The following ABCB1 variants were observed in gnomAD, a reference collection of about 807,000 sequenced individuals.
ABCB1 encodes the protein ATP-dependent translocase ABCB1.
Under a neutral mutation model 142.0 loss-of-function variants are expected in ABCB1, and 69 were observed. The ratio of observed to expected loss-of-function variants is 0.49; its 90% CI spans 0.40 to 0.59. The LOEUF (loss-of-function observed/expected upper bound fraction) is 0.59. ABCB1 is among the 20% of genes least tolerant of loss of function. ABCB1 has a pLI of 0.00. For synonymous variants in ABCB1, 532 were observed against 539.2 expected (o/e 0.99, Z 0.18); for missense variants, 1,326 against 1,554.7 (o/e 0.85, Z 2.47).
At chr7:87,586,672 C>T (rs576405642) in intron 3 of ABCB1, among the ~76,000 whole-genome samples, 16 of 152,252 alleles carry the variant, frequency 1.1e-4, no homozygotes, top group Admixed American at 9.2e-4. Flanking sequence ...TAGCCACAGA[C>T]AGCAAGATTT....
chr7:87,510,778 C>G (rs1285231047), intron 25 of ABCB1, among the ~76,000 whole-genome samples: 2 of 152,090 alleles, frequency 1.3e-5, no homozygotes, highest in Admixed American at 1.3e-4. Context: ...TAGTTCCAAG[C>G]TGAGTTGCCA....
At chr7:87,647,853 A>G (rs1823168716) in intron 1 of ABCB1, among the ~76,000 whole-genome samples, 1 of 152,128 alleles carries the variant, frequency 6.6e-6, no homozygotes, top group African/African-American at 2.4e-5. Context: ...AAAAGAGTAA[A>G]TTGGCCAACT....
chr7:87,576,948 T>C (rs1472290393), intron 4 of ABCB1, among the ~76,000 whole-genome samples: 1 of 152,146 alleles, frequency 6.6e-6, no homozygotes, highest in Non-Finnish European at 1.5e-5. Context: ...TTTTTAAATG[T>C]GCAATAAATT....
chr7:87,600,578 C>A (rs1227352455), intron 1 of ABCB1, among the ~76,000 whole-genome samples, 177 bp downstream of exon 1: 1 of 152,228 alleles, frequency 6.6e-6, no homozygotes, highest in Non-Finnish European at 1.5e-5. Flanking sequence ...TTGGGCGCTG[C>A]TCCAGGAGCT....
intron 4 of ABCB1, among the ~76,000 whole-genome samples, chr7:87,576,878 C>T (rs1168606758): frequency 6.6e-6 from 1 of 152,044 alleles, no homozygotes; most frequent in Non-Finnish European, 1.5e-5. Flanking sequence ...GGGTATCTAT[C>T]ACCTCAAAAA....
chr7:87,656,200 A>T (rs1473045250), intron 1 of ABCB1, among the ~76,000 whole-genome samples: 1 of 152,172 alleles, frequency 6.6e-6, no homozygotes, highest in African/African-American at 2.4e-5. Flanking sequence ...ATTCCATGAT[A>T]TATACAAATT....
chr7:87,624,973 A>T (rs183946815), intron 1 of ABCB1, among the ~76,000 whole-genome samples: 1 of 152,266 alleles, frequency 6.6e-6, no homozygotes, highest in East Asian at 1.9e-4. Context: ...AAATAACGTT[A>T]TGGCTGGGCG....
chr7:87,598,462 C>A (rs1340264990), intron 2 of ABCB1, among the ~76,000 whole-genome samples: 4 of 152,282 alleles, frequency 2.6e-5, no homozygotes, highest in African/African-American at 7.2e-5. Flanking sequence ...GTGCTAACTG[C>A]AAAATCTTTA....
chr7:87,581,044 G>A (rs184751865), intron 4 of ABCB1, among the ~76,000 whole-genome samples: 2 of 151,522 alleles, frequency 1.3e-5, no homozygotes, highest in East Asian at 1.9e-4. Context: ...CTGTAGGGAT[G>A]GGGGAGGGGG....
At chr7:87,623,462 T>C (rs1272540395) in intron 1 of ABCB1, among the ~76,000 whole-genome samples, 2 of 152,240 alleles carry the variant, frequency 1.3e-5, no homozygotes, top group African/African-American at 4.8e-5. Context: ...GTGTCTGTCA[T>C]AGCCTGTAAT....
At position 87,626,870 on chromosome 7, in the gene ABCB1, G is replaced by T. The variant is rs546118173; in HGVS notation, c.-330-25792C>A. 1.2e-3 allele frequency among the ~76,000 whole-genome samples: 179 copies of T among 151,984 alleles called. 1 individual carries two copies. Among genetic ancestry groups the T allele is most frequent in the African/African-American group, 4.1e-3 (171 of 41,440 alleles). ...CGCTCACTGCAACCTCCGCCTCCCG[G>T]GTTCAAACGATTCTCCTGCCTCAGC... On this transcript the variant is annotated intron_variant, in intron 1 of 28. Transcript: ENST00000265724.
chr7:87,626,288 A>ATATGTGTCATATATATGTGTCG (rs1820513649), intron 1 of ABCB1, among the ~76,000 whole-genome samples: 1 of 48,490 alleles, frequency 2.1e-5, no homozygotes, highest in Non-Finnish European at 3.6e-5. Flanking sequence ...TATATGTGTC[A>ATATGTGTCATATATATGTGTCG]TATATGTGTC....
In ABCB1 at chr7:87,561,355, TAA is replaced by T; in HGVS notation, c.733_734del (p.Leu245SerfsTer10). On this transcript the variant is annotated frameshift_variant, in exon 8 of 28. Transcript: ENST00000622132. LOFTEE classifies it high-confidence loss of function. ...CTACTGCTCCAGCTTTTGCATACGC[TAA>T]GAGTTCTTTATCAGTAAATGAAGAT... ...ILSSFTDKEL[L>X]AYAKAGAVAE... is the part of the protein sequence containing the mutation. 1.2e-6 allele frequency: 2 copies of T among 1,613,724 alleles called. No homozygotes were observed. Among genetic ancestry groups the T allele is most frequent in the Admixed American group, 1.7e-5 (1 of 60,004 alleles).
intron 1 of ABCB1, among the ~76,000 whole-genome samples, chr7:87,648,004 G>A (rs1823190435): frequency 6.6e-6 from 1 of 151,846 alleles, no homozygotes. Context: ...CTAACATGGT[G>A]AAACCCCGCC....
intron 1 of ABCB1, among the ~76,000 whole-genome samples, chr7:87,692,382 A>C (rs1360700947): frequency 6.6e-6 from 1 of 152,184 alleles, no homozygotes; most frequent in Non-Finnish European, 1.5e-5. Context: ...GCTTGAGTCC[A>C]AGAATTTGAG....
intron 4 of ABCB1, among the ~76,000 whole-genome samples, chr7:87,578,137 T>C (rs1818350589): frequency 6.6e-6 from 1 of 152,220 alleles, no homozygotes; most frequent in South Asian, 2.1e-4. Flanking sequence ...TTTATGCATA[T>C]GGATATCCAG....
chr7:87,699,971 TGAAGA>T (rs893579411), intron 1 of ABCB1, among the ~76,000 whole-genome samples: 2 of 152,182 alleles, frequency 1.3e-5, no homozygotes, highest in African/African-American at 4.8e-5. Flanking sequence ...AGTATCCTTA[TGAAGA>T]GGAGAAAAGA....
At chr7:87,597,733 A>C (rs1294675537) in intron 2 of ABCB1, among the ~76,000 whole-genome samples, 2 of 152,160 alleles carry the variant, frequency 1.3e-5, no homozygotes, top group East Asian at 3.8e-4. Context: ...TTTTTGTTAC[A>C]AAAATTTTCA....
intron 21 of ABCB1, among the ~76,000 whole-genome samples, chr7:87,528,450 G>C (rs546956770): frequency 1.3e-5 from 2 of 151,976 alleles, no homozygotes; most frequent in South Asian, 4.2e-4. Flanking sequence ...CATGGCTTGT[G>C]AGTTTTTTCA....
Sources: gnomAD v4.1 joint callset for allele counts (sites outside exome capture counted in the v4.1 genomes callset) on GRCh38, gnomAD v4.1.1 for gene constraint, MANE v1.5 for transcripts, NCBI Gene and HGNC (gene_info 2026-07-23, HGNC 2026-07-21) for gene names.